DGLUCY: variants seen among roughly 807,000 people sequenced by gnomAD.
DGLUCY encodes D-glutamate cyclase.
In DGLUCY, 58 loss-of-function variants were observed where a neutral mutation model predicts 58.5. The ratio of observed to expected loss-of-function variants is 0.99; its 90% CI spans 0.80 to 1.23. The LOEUF is 1.23. Ranked by LOEUF, DGLUCY falls within the 50% of genes most tolerant of loss-of-function variation. The pLI, the probability that DGLUCY is intolerant of heterozygous loss-of-function variation, is 0.00. For synonymous variants in DGLUCY, 325 were observed against 314.1 expected, an observed-to-expected ratio of 1.03 and a Z score of -0.37; for missense variants, 779 against 784.7, an observed-to-expected ratio of 0.99 and a Z score of 0.09.
chr14:91,082,930 T>C (rs920679838), intron 1 of DGLUCY, among the ~76,000 whole-genome samples: 2 of 152,076 alleles, frequency 1.3e-5, no homozygotes, highest in Non-Finnish European at 2.9e-5. Flanking sequence ...ATTTGTAAAA[T>C]TTTTTTGGTA....
chr14:91,224,746 G>C lies in DGLUCY; in HGVS notation c.1779G>C (p.Val593=). The C allele has an allele frequency of 3.7e-6, 6 of 1,613,728 alleles. No homozygotes were observed. The highest frequency in any genetic ancestry group is 5.1e-6 in the Non-Finnish European group (6 of 1,179,776). The change falls in exon 14 of 14, where the codon GTG becomes GTC. Residue 593 remains valine, a synonymous_variant. Transcript: ENST00000256324. The part of the protein sequence containing the change: ...HKVRSGVSGI[V]GMEVDGLPFH... ...TCCGGAGTGGCGTCTCGGGCATCGT[G>C]GGCATGGAGGTGGATGGGCTGCCCT... is the stretch of plus-strand genomic sequence containing the variant.
chr14:91,063,262 T>C (rs2140012960), intron 1 of DGLUCY, among the ~76,000 whole-genome samples: 1 of 152,178 alleles, frequency 6.6e-6, no homozygotes. Context: ...TTTTTTTTTT[T>C]TTTCTTACCT....
intron 1 of DGLUCY, among the ~76,000 whole-genome samples, chr14:91,146,923 G>A (rs1290540960): frequency 1.3e-5 from 2 of 152,058 alleles, no homozygotes; most frequent in African/African-American, 4.8e-5. Context: ...GAAATGCACC[G>A]AGAGCTGCCA....
intron 3 of DGLUCY, among the ~76,000 whole-genome samples, chr14:91,163,563 C>T (rs1382354555): frequency 1.3e-5 from 2 of 152,180 alleles, no homozygotes; most frequent in African/African-American, 4.8e-5. Flanking sequence ...CTGGACATTC[C>T]CAGCGGATGG....
intron 1 of DGLUCY, among the ~76,000 whole-genome samples, chr14:91,073,630 C>T (rs2043959751): frequency 6.6e-6 from 1 of 151,960 alleles, no homozygotes; most frequent in Admixed American, 6.6e-5. Flanking sequence ...CATGAAAAAT[C>T]TTTAATGCAA....
intron 1 of DGLUCY, among the ~76,000 whole-genome samples, chr14:91,146,033 A>G (rs1042912197): frequency 1.3e-5 from 2 of 151,954 alleles, no homozygotes; most frequent in Admixed American, 1.3e-4. Context: ...TACCATGCCT[A>G]GCTAATTTTT....
chr14:91,104,395 G>A (rs2044552188), upstream of DGLUCY, among the ~76,000 whole-genome samples: 1 of 152,092 alleles, frequency 6.6e-6, no homozygotes, highest in South Asian at 2.1e-4. Context: ...CTGGGGAAGG[G>A]TGTTGCTACC....
chr14:91,062,558 AATATATATATATATATATAT>A lies in DGLUCY; in HGVS notation c.-82+1888_-82+1907del, dbSNP rs1157690131. On this transcript the variant is annotated intron_variant, in intron 1 of 4. Transcript: ENST00000521334. Reference sequence around the variant, plus strand: ...GCGAGACTCTGTCTAAAAAAAAAAAAATATATATATATATATATATATATATATATATATATATATATATA... The same window carrying A: ...GCGAGACTCTGTCTAAAAAAAAAAAAATATATATATATATATATATATATA... Among the ~76,000 whole-genome samples the A allele has an allele frequency of 5.1e-4, 12 of 23,694 alleles. 1 individual carries two copies. The highest frequency in any genetic ancestry group is 2.3e-3 in the African/African-American group (12 of 5,138). 15.5% of individuals were successfully genotyped at this position (23,694 alleles called of 152,430 possible).
At chr14:91,219,104 C>T (rs1887041505) in intron 13 of DGLUCY, among the ~76,000 whole-genome samples, 2 of 151,788 alleles carry the variant, frequency 1.3e-5, no homozygotes, top group South Asian at 2.1e-4. Context: ...CACTTAAACT[C>T]GGGAGGCGGA....
chr14:91,101,398 C>T (rs1201868658), intron 1 of DGLUCY, among the ~76,000 whole-genome samples: 2 of 152,102 alleles, frequency 1.3e-5, no homozygotes, highest in Non-Finnish European at 2.9e-5. Flanking sequence ...CGCTATTTGT[C>T]TTTTTCACTT....
intron 1 of DGLUCY, among the ~76,000 whole-genome samples, chr14:91,152,009 A>G (rs559721989): frequency 1.3e-5 from 2 of 152,078 alleles, no homozygotes; most frequent in South Asian, 4.2e-4. Context: ...ACGGAGTCCT[A>G]CCTTACTCAG....
At chr14:91,079,034 G>A (rs977122900) in intron 1 of DGLUCY, among the ~76,000 whole-genome samples, 3 of 151,864 alleles carry the variant, frequency 2.0e-5, no homozygotes, top group Non-Finnish European at 2.9e-5. Context: ...CTCCCGAGTA[G>A]CTGGAACTAC....
chr14:91,131,699 A>G (rs922743877), intron 1 of DGLUCY, among the ~76,000 whole-genome samples: 1 of 152,100 alleles, frequency 6.6e-6, no homozygotes, highest in African/African-American at 2.4e-5. Flanking sequence ...CTGTTATAAA[A>G]GTTTCTAATT....
rs548385063 is a variant in DGLUCY, at chr14:91,191,648, G to A, written c.1195+2478G>A. On this transcript the variant is annotated intron_variant, in intron 9 of 13. Transcript: ENST00000256324. ...ATCTGCACCCAAGTCTCAAGTTCTGGTTTCAAAGAAACCCAAAGAGACAAA... is the reference window on the plus strand; with the variant it reads ...ATCTGCACCCAAGTCTCAAGTTCTGATTTCAAAGAAACCCAAAGAGACAAA... Among the ~76,000 whole-genome samples, 36 of 152,264 alleles carry A rather than the reference G, an allele frequency of 2.4e-4. No homozygotes were observed. In the South Asian group the frequency reaches 7.3e-3, roughly 31 times the overall value.
At chr14:91,153,602 AC>A (rs2047440052) in intron 1 of DGLUCY, among the ~76,000 whole-genome samples, 1 of 151,528 alleles carries the variant, frequency 6.6e-6, no homozygotes, top group African/African-American at 2.4e-5. Context: ...AAAGAGGAAA[AC>A]CCCCTCCCTT....
Position 91,160,417 on chromosome 14 carries a change from T to TAAA in DGLUCY, c.103+42_103+44dup, listed in dbSNP as rs34785372. On this transcript the variant is annotated intron_variant, in intron 3 of 13. Transcript: ENST00000256324. ...CTGGAGGTAAGTGGTGCCAGATAGT[T>TAAA]AAAAAAAAAAAAAAAAAAAAAAAAG... The TAAA allele has an allele frequency of 2.9e-3, 1,656 of 577,220 alleles. No individual in the cohort carries two copies. Among genetic ancestry groups the TAAA allele is most frequent in the African/African-American group, 5.1e-3 (173 of 34,158 alleles). 35.8% of individuals were successfully genotyped at this position (577,220 alleles called of 1,614,324 possible).
chr14:91,224,064 C>G (rs1219624541), intron 13 of DGLUCY, among the ~76,000 whole-genome samples: 1 of 152,194 alleles, frequency 6.6e-6, no homozygotes, highest in East Asian at 1.9e-4. Context: ...TAGAAGGCAA[C>G]AGCAGCAGGA....
At chr14:91,150,501 G>C (rs1322897907) in intron 1 of DGLUCY, among the ~76,000 whole-genome samples, 1 of 152,078 alleles carries the variant, frequency 6.6e-6, no homozygotes, top group East Asian at 1.9e-4. Flanking sequence ...GAGTGCAGTG[G>C]TGCAATCGTG....
intron 1 of DGLUCY, among the ~76,000 whole-genome samples, chr14:91,077,061 C>G (rs1034057900): frequency 1.3e-5 from 2 of 151,958 alleles, no homozygotes; most frequent in African/African-American, 4.8e-5. Context: ...TGAGCAACAT[C>G]GTGAGAGCCT....
Sources: allele counts gnomAD v4.1 joint callset (sites outside exome capture counted in the v4.1 genomes callset), GRCh38; gene constraint gnomAD v4.1.1; transcripts MANE v1.5; gene names NCBI Gene and HGNC (gene_info 2026-07-23, HGNC 2026-07-21).